Variants in PLIN1 observed in about 807,000 individuals in gnomAD.
PLIN1 encodes perilipin 1, also known as perilipin-1.
A neutral mutation model predicts 45.8 loss-of-function variants in PLIN1; 37 were observed. The ratio of observed to expected loss-of-function variants is 0.81; its 90% CI spans 0.62 to 1.06. The LOEUF is 1.06. Among genes scored for constraint, PLIN1 ranks in the 50% least tolerant of loss-of-function variants. The probability of loss-of-function intolerance (pLI) is 0.00; values close to 1 mark genes in which losing one functional copy is unlikely to be tolerated. For synonymous variants in PLIN1, 340 were observed against 309.2 expected (o/e 1.10, Z -1.05); for missense variants, 776 against 716.5 (o/e 1.08, Z -0.95).
intron 3 of PLIN1, 87 bp downstream of exon 3, chr15:89,673,119 TCAGA>T: frequency 2.1e-6 from 2 of 973,144 alleles, no homozygotes; most frequent in South Asian, 1.4e-5. Context: ...AAGCAAGTTA[TCAGA>T]CAGTCAGACA....
rs536614029 is a variant in PLIN1 at position 89,668,976 on chromosome 15, AGGTGGGGAGT to A, written c.771+514_771+523del. On this transcript the variant is annotated intron_variant, in intron 6 of 8. Coordinates refer to ENST00000300055, the MANE Select transcript of PLIN1 (RefSeq NM_002666.5). ...TTTCTGCTAAGATACAGAGAGGTGG[AGGTGGGGAGT>A]GGTGGGGAGTGGTGGGGAGTTAACT... Among the ~76,000 whole-genome samples the A allele has an allele frequency of 5.8e-3, 877 of 152,152 alleles. 11 individuals carry two copies. The highest frequency in any genetic ancestry group is 0.02 in the African/African-American group (836 of 41,490).
intron 2 of PLIN1, among the ~76,000 whole-genome samples, chr15:89,674,638 T>C (rs527449846): frequency 6.6e-6 from 1 of 152,064 alleles, no homozygotes; most frequent in Non-Finnish European, 1.5e-5. Flanking sequence ...GAAATTTGCC[T>C]CCACCCCCCT....
Position 89,665,766 on chromosome 15 carries a change from G to C in PLIN1, c.1386C>G (p.Pro462=). The C allele has an allele frequency of 7.8e-7, 1 of 1,274,136 alleles. No homozygotes were observed. Among genetic ancestry groups the C allele is most frequent in the Non-Finnish European group, 9.8e-7 (1 of 1,016,036 alleles). The allele number at this position is 1,274,136 out of a possible 1,614,324, so 78.9% of individuals were successfully genotyped here. The change falls in exon 9 of 9, where the codon CCC becomes CCG. Residue 462 remains proline, a synonymous_variant. Coordinates refer to ENST00000300055, the MANE Select transcript of PLIN1 (RefSeq NM_002666.5). ...PRRSLRSAQS[P]GAPPGPGLED... ...CCAGGCCCGGGCCGGGGGGCGCGCC[G>C]GGGCTCTGCGCGCTGCGCAGGCTGC... is the stretch of plus-strand genomic sequence containing the variant.
chr15:89,670,316 G>T, intron 4 of PLIN1, 72 bp from the exon 5 acceptor site: 2 of 1,511,676 alleles, frequency 1.3e-6, no homozygotes, highest in Non-Finnish European at 1.8e-6. Context: ...TCCGGGGTCT[G>T]GTGGCCTGAG....
chr15:89,671,328 T>C (rs1180408096), intron 4 of PLIN1, among the ~76,000 whole-genome samples, 154 bp downstream of exon 4: 1 of 152,192 alleles, frequency 6.6e-6, no homozygotes, highest in Non-Finnish European at 1.5e-5. Flanking sequence ...GCCTGTTGTG[T>C]GGCCTTGGGA....
At chr15:89,673,461 C>G in intron 2 of PLIN1, 47 bp from the exon 3 acceptor site, 6 of 1,491,290 alleles carry the variant, frequency 4.0e-6, no homozygotes, top group Non-Finnish European at 5.5e-6. Context: ...CCCTCTCCAG[C>G]CTCCCGGGAA....
Position 89,673,349 on chromosome 15 carries a change from G to A in PLIN1, c.111C>T (p.Phe37=). 1.2e-6 allele frequency: 2 copies of A among 1,602,368 alleles called. No homozygotes were observed. Among genetic ancestry groups the A allele is most frequent in the Non-Finnish European group, 1.7e-6 (2 of 1,174,260 alleles). ...LPVVSGTCEC[F]QKTYTSTKEA... ...CCTTAGTGCTGGTGTAGGTCTTCTG[G>A]AAGCATTCGCAGGTGCCACTCACCA... Residue 37 remains phenylalanine (F), a synonymous_variant, in exon 3 of 9, where the codon TTC becomes TTT. Transcript: ENST00000300055.
intron 7 of PLIN1, 118 bp downstream of exon 7, chr15:89,667,484 T>C: frequency 4.1e-6 from 6 of 1,477,254 alleles, no homozygotes; most frequent in South Asian, 3.4e-5. Flanking sequence ...GTGAAGGGTG[T>C]TGCACGCACA....
Position 89,673,414 on chromosome 15 carries a change from C to T in PLIN1, c.46G>A (p.Glu16Lys). ...ACCCGCTGCAGCACATTCTCCTGCT[C>T]CTGGTGCGGAAGGAACACATTCAAG... ...GLTLLDGDLP[E>K]QENVLQRVLQ... Residue 16 changes from glutamate (E) to lysine (K), a missense_variant and splice_region_variant, in exon 3 of 9, where the codon GAG becomes AAG. Glu to Lys is a moderately conservative substitution (Grantham distance 56). Transcript: ENST00000300055. 6.3e-7 allele frequency: 1 copy of T among 1,595,050 alleles called. No homozygotes were observed. Among genetic ancestry groups the T allele is most frequent in the Non-Finnish European group, 8.5e-7 (1 of 1,170,374 alleles).
rs1259543042 is a variant in PLIN1, at chr15:89,665,649, G to T, written c.1503C>A (p.Phe501Leu). Reference sequence around the variant, plus strand: ...GGATGGGCTCCATGACGCTGGGCCGGAAGAAGCTGTCGCTGACCCTGCGCT... The same window carrying T: ...GGATGGGCTCCATGACGCTGGGCCGTAAGAAGCTGTCGCTGACCCTGCGCT... ...KPKRRVSDSF[F>L]RPSVMEPILG... is the part of the protein sequence containing the mutation. Residue 501 changes from phenylalanine to leucine, a missense_variant, in exon 9 of 9, where the codon TTC (phenylalanine) becomes TTA (leucine). Transcript: ENST00000300055. 191 of 1,503,320 alleles carry T rather than the reference G, an allele frequency of 1.3e-4. No homozygotes were observed. The highest frequency in any genetic ancestry group is 1.6e-4 in the Non-Finnish European group (184 of 1,128,964). 93.1% of individuals were successfully genotyped at this position (1,503,320 alleles called of 1,614,324 possible).
Position 89,665,829 on chromosome 15 carries a change from G to A in PLIN1, c.1323C>T (p.Ala441=), listed in dbSNP as rs767087068. Residue 441 remains alanine (A), a synonymous_variant, in exon 9 of 9, where the codon GCC becomes GCT. Coordinates refer to ENST00000300055, the MANE Select transcript of PLIN1 (RefSeq NM_002666.5). Reference sequence around the variant, plus strand: ...CGAGACGCGGGGCGGGCTCCGGGCCGGCGGACGGCGCCCCAGACGCTCTGC... The same window carrying A: ...CGAGACGCGGGGCGGGCTCCGGGCCAGCGGACGGCGCCCCAGACGCTCTGC... ...AERRASGAPS[A]GPEPAPRLAQ... 1.4e-6 allele frequency: 2 copies of A among 1,417,974 alleles called. No individual in the cohort carries two copies. The highest frequency in any genetic ancestry group is 1.8e-6 in the Non-Finnish European group (2 of 1,084,172). 87.8% of individuals were successfully genotyped at this position (1,417,974 alleles called of 1,614,324 possible). A position where few individuals can be genotyped will look rare whatever the true frequency, so the allele number is the denominator to read the frequency against.
At position 89,673,217 on chromosome 15, in the gene PLIN1, G is replaced by A; in HGVS notation, c.243C>T (p.Ser81=). ...AGCGCCGCAAGGACTCACACTGGGT[G>A]GACAGCCTGCGGACCACCGGCTCCA... ...WSMEPVVRRL[S]TQFTAANELA... is the part of the protein sequence containing the mutation. The change falls in exon 3 of 9, where the codon TCC becomes TCT. Residue 81 remains serine (S), a synonymous_variant. Coordinates refer to ENST00000300055, the MANE Select transcript of PLIN1 (RefSeq NM_002666.5). 6.4e-7 allele frequency: 1 copy of A among 1,563,818 alleles called. No individual in the cohort carries two copies. Among genetic ancestry groups the A allele is most frequent in the Non-Finnish European group, 8.7e-7 (1 of 1,153,578 alleles).
rs1964369978 is a variant in PLIN1 at position 89,667,617 on chromosome 15, C to G, written c.948G>C (p.Glu316Asp). Reference sequence around the variant, plus strand: ...TCCCCCTCACCTCACTGAACTTGTTCTCCTCAGTCTCCAATTCTTCCTCCT... The same window carrying G: ...TCCCCCTCACCTCACTGAACTTGTTGTCCTCAGTCTCCAATTCTTCCTCCT... ...TEEEEELETE[E>D]NKFSEVAALP... is the part of the protein sequence containing the mutation. Residue 316 changes from glutamate (E) to aspartate (D), a missense_variant, in exon 7 of 9, where the codon GAG (glutamate) becomes GAC (aspartate). Transcript: ENST00000300055. 1 of 1,613,920 alleles carries G rather than the reference C, an allele frequency of 6.2e-7. No individual in the cohort carries two copies. Among genetic ancestry groups the G allele is most frequent in the Non-Finnish European group, 8.5e-7 (1 of 1,179,928 alleles).
chr15:89,677,804 G>T, intron 1 of PLIN1: 1 of 333,696 alleles, frequency 3.0e-6, no homozygotes, highest in Non-Finnish European at 5.6e-6. Flanking sequence ...AGGCTGGAGT[G>T]TAGTTGCACA....
rs138701217 is a variant in PLIN1, at chr15:89,665,232, A to T, written c.*351T>A. On this transcript the variant is annotated 3_prime_UTR_variant, in exon 9 of 9. Transcript: ENST00000300055. ...GCAAATATTTATCCGCAGAGGCAGAATCTGAATTTTGGAAACGGTCAAATA... is the reference window on the plus strand; with the variant it reads ...GCAAATATTTATCCGCAGAGGCAGATTCTGAATTTTGGAAACGGTCAAATA... 3 of 236,874 alleles carry T rather than the reference A, an allele frequency of 1.3e-5. No individual in the cohort carries two copies. The East Asian group carries it at 3.2e-4, about 25-fold the overall frequency. 14.7% of individuals were successfully genotyped at this position (236,874 alleles called of 1,614,324 possible).
chr15:89,677,823 T>C, intron 1 of PLIN1: 2 of 278,200 alleles, frequency 7.2e-6, no homozygotes, highest in South Asian at 1.2e-4. Flanking sequence ...CAATCTCGGC[T>C]CACTACAACC....
intron 3 of PLIN1, among the ~76,000 whole-genome samples, chr15:89,672,182 C>T (rs757251228): frequency 1.3e-5 from 2 of 152,072 alleles, no homozygotes; most frequent in African/African-American, 2.4e-5. Context: ...GTCAACTGTC[C>T]GAAGAGGGTC....
At chr15:89,674,045 C>G (rs77997286) in intron 2 of PLIN1, among the ~76,000 whole-genome samples, 7,954 of 152,224 alleles carry the variant, frequency 0.052, 708 homozygotes, top group African/African-American at 0.18. Flanking sequence ...GTTCATCTCA[C>G]TCCCCGTAGA....
Position 89,667,819 on chromosome 15 carries a change from T to C in PLIN1, c.772-26A>G, listed in dbSNP as rs747106911. On this transcript the variant is annotated intron_variant, in intron 6 of 8. Coordinates refer to ENST00000300055, the MANE Select transcript of PLIN1 (RefSeq NM_002666.5). ...CTGAGGGAGGATGGCAGCAGATAGC[T>C]GGCTCAACTGCCCCTGCTGAAGGCC... 3 of 1,544,352 alleles carry C rather than the reference T, an allele frequency of 1.9e-6. No homozygotes were observed. In the South Asian group the frequency reaches 3.6e-5, roughly 18 times the overall value.
Sources: gnomAD v4.1 joint callset for allele counts (sites outside exome capture counted in the v4.1 genomes callset) on GRCh38, gnomAD v4.1.1 for gene constraint, MANE v1.5 for transcripts, NCBI Gene and HGNC (gene_info 2026-07-23, HGNC 2026-07-21) for gene names.